UTRN: variants seen among roughly 807,000 people sequenced by gnomAD.
The protein encoded by UTRN is utrophin, also known as dystrophin-related protein 1.
In UTRN, 283 loss-of-function variants were observed where a neutral mutation model predicts 463.9. The ratio of observed to expected loss-of-function variants is 0.61; its 90% CI spans 0.55 to 0.67. The LOEUF (loss-of-function observed/expected upper bound fraction) is 0.67. UTRN is among the 30% of genes least tolerant of loss of function. UTRN has a pLI of 0.00. For missense variants in UTRN, 3,922 were observed against 4,084.3 expected (o/e 0.96, Z 1.08); for synonymous variants, 1,442 against 1,431.5 (o/e 1.01, Z -0.17).
intron 51 of UTRN, among the ~76,000 whole-genome samples, chr6:144,604,023 T>A (rs1804550991): frequency 6.6e-6 from 1 of 152,190 alleles, no homozygotes; most frequent in Admixed American, 6.5e-5. Context: ...TGTCTCCATT[T>A]TTCTGCTTCC....
chr6:144,482,437 T>TATC, intron 27 of UTRN, 49 bp downstream of exon 27: 1 of 1,156,786 alleles, frequency 8.6e-7, no homozygotes, highest in Non-Finnish European at 1.1e-6. Context: ...TTATTATTAT[T>TATC]ATTATTTTCA....
chr6:144,508,751 G>A (rs1562502327), intron 34 of UTRN, among the ~76,000 whole-genome samples: 1 of 152,098 alleles, frequency 6.6e-6, no homozygotes, highest in Non-Finnish European at 1.5e-5. Context: ...AATCTTTCCA[G>A]TATTTATTTT....
intron 25 of UTRN, among the ~76,000 whole-genome samples, chr6:144,479,032 C>A (rs1791552489): frequency 6.6e-6 from 1 of 151,910 alleles, no homozygotes; most frequent in African/African-American, 2.4e-5. Flanking sequence ...AGCAGCCTCT[C>A]CCTCCCTGCT....
At chr6:144,418,709 A>T (rs1038233369) in intron 3 of UTRN, among the ~76,000 whole-genome samples, 8 of 151,752 alleles carry the variant, frequency 5.3e-5, no homozygotes, top group Non-Finnish European at 8.8e-5. Context: ...GTGCACCACC[A>T]CACCCAGCCA....
chr6:144,461,206 G>C lies in UTRN; in HGVS notation c.2717G>C (p.Gly906Ala). The C allele has an allele frequency of 6.3e-7, 1 of 1,579,210 alleles. No individual in the cohort carries two copies. The highest frequency in any genetic ancestry group is 8.6e-7 in the Non-Finnish European group (1 of 1,163,846). Reference sequence around the variant, plus strand: ...ATTTTTAAATAAACAGAACTGAAGGGCCAACCTGGACATGCATATCTGGAA... The same window carrying C: ...ATTTTTAAATAAACAGAACTGAAGGCCCAACCTGGACATGCATATCTGGAA... The part of the protein sequence containing the change: ...RQQHLENELK[G>A]QPGHAYLETL... The change falls in exon 22 of 75, where the codon GGC becomes GCC. Residue 906 changes from glycine (G) to alanine (A), a missense_variant. Physicochemically the swap from Gly to Ala is moderately conservative, Grantham distance 60. Coordinates refer to ENST00000367545, the MANE Select transcript of UTRN (RefSeq NM_007124.3).
At chr6:144,365,799 G>T (rs576978133) in intron 2 of UTRN, among the ~76,000 whole-genome samples, 1 of 152,138 alleles carries the variant, frequency 6.6e-6, no homozygotes, top group Admixed American at 6.5e-5. Flanking sequence ...GTGCAGTGGC[G>T]TGATCTCGGC....
intron 51 of UTRN, among the ~76,000 whole-genome samples, chr6:144,656,366 A>T (rs1170424325): frequency 6.6e-6 from 1 of 152,250 alleles, no homozygotes; most frequent in African/African-American, 2.4e-5. Context: ...GTAGAAATGT[A>T]GGTATATTAC....
chr6:144,311,188 G>A (rs1806240582), intron 2 of UTRN, among the ~76,000 whole-genome samples: 1 of 152,242 alleles, frequency 6.6e-6, no homozygotes, highest in Non-Finnish European at 1.5e-5. Flanking sequence ...GCTCTGGAAA[G>A]TAACGATGCG....
At chr6:144,492,260 T>G (rs1793143119) in intron 32 of UTRN, among the ~76,000 whole-genome samples, 1 of 152,212 alleles carries the variant, frequency 6.6e-6, no homozygotes, top group Admixed American at 6.5e-5. Flanking sequence ...CACTTATAAG[T>G]GAGAACATTT....
intron 3 of UTRN, among the ~76,000 whole-genome samples, chr6:144,417,669 CAT>C (rs371656025): frequency 4.1e-4 from 63 of 152,196 alleles, no homozygotes; most frequent in Admixed American, 1.5e-3. Flanking sequence ...TATTTTGTGA[CAT>C]GTGGGAATTA....
chr6:144,633,501 G>A (rs1776767443), intron 51 of UTRN, among the ~76,000 whole-genome samples: 1 of 152,146 alleles, frequency 6.6e-6, no homozygotes, highest in African/African-American at 2.4e-5. Flanking sequence ...CAAAGTGCTG[G>A]GATTACAGGC....
intron 3 of UTRN, among the ~76,000 whole-genome samples, chr6:144,408,188 G>A (rs12208679): frequency 0.043 from 6,495 of 152,264 alleles, 187 homozygotes; most frequent in South Asian, 0.13. Flanking sequence ...CTGTGGATCC[G>A]TGCCACACGT....
chr6:144,789,949 AT>A (rs1190570049), intron 62 of UTRN, among the ~76,000 whole-genome samples: 4 of 152,194 alleles, frequency 2.6e-5, no homozygotes, highest in Non-Finnish European at 5.9e-5. Context: ...CTGTCTTCAA[AT>A]CTCTACCACT....
chr6:144,744,841 G>T (rs1371151769), intron 54 of UTRN, among the ~76,000 whole-genome samples: 3 of 152,154 alleles, frequency 2.0e-5, no homozygotes, highest in Non-Finnish European at 2.9e-5. Context: ...CCAGTATTTA[G>T]TGACTGTGCT....
chr6:144,707,694 C>T (rs1785230559), intron 53 of UTRN, among the ~76,000 whole-genome samples: 1 of 152,188 alleles, frequency 6.6e-6, no homozygotes, highest in African/African-American at 2.4e-5. Flanking sequence ...GATTGGTAGG[C>T]CCCACTTTCA....
intron 51 of UTRN, among the ~76,000 whole-genome samples, chr6:144,608,471 G>C (rs1392580049): frequency 6.6e-6 from 1 of 152,178 alleles, no homozygotes; most frequent in Non-Finnish European, 1.5e-5. Flanking sequence ...GAATACCATT[G>C]TGAATAACCC....
intron 2 of UTRN, among the ~76,000 whole-genome samples, chr6:144,363,960 A>G (rs895163047): frequency 6.6e-6 from 1 of 152,208 alleles, no homozygotes. Context: ...GGTTTGGAGC[A>G]TAAGATATTT....
chr6:144,308,007 C>T (rs1357665635), intron 2 of UTRN, among the ~76,000 whole-genome samples: 1 of 151,984 alleles, frequency 6.6e-6, no homozygotes, highest in African/African-American at 2.4e-5. Context: ...GAGATAATGG[C>T]CCTTTGCTCC....
Position 144,516,890 on chromosome 6 carries a change from AAAAAG to A in UTRN, c.5490_5494del (p.Glu1830AspfsTer11). On this transcript the variant is annotated frameshift_variant, in exon 39 of 75. Coordinates refer to ENST00000367545, the MANE Select transcript of UTRN (RefSeq NM_007124.3). LOFTEE classifies it high-confidence loss of function. The stretch of plus-strand genomic sequence containing the variant: ...TTACATCAACCTATGGAAGATAATA[AAAAAG>A]AAAAGATCCGTTTGCAATTATTACT... The A allele has an allele frequency of 4.6e-6, 7 of 1,510,014 alleles. No individual in the cohort carries two copies. Among genetic ancestry groups the A allele is most frequent in the Non-Finnish European group, 6.2e-6 (7 of 1,131,034 alleles). 93.5% of individuals were successfully genotyped at this position (1,510,014 alleles called of 1,614,324 possible). A position where few individuals can be genotyped will look rare whatever the true frequency, so the allele number is the denominator to read the frequency against.
Sources: allele counts gnomAD v4.1 joint callset (sites outside exome capture counted in the v4.1 genomes callset), GRCh38; gene constraint gnomAD v4.1.1; transcripts MANE v1.5; gene names NCBI Gene and HGNC (gene_info 2026-07-23, HGNC 2026-07-21).